AVEN: variants seen among roughly 807,000 people sequenced by gnomAD.
The protein encoded by AVEN is apoptosis and caspase activation inhibitor.
A neutral mutation model predicts 38.1 loss-of-function variants in AVEN; 41 were observed. The observed-to-expected ratio is 1.08, with a 90% confidence interval of 0.84 to 1.40. AVEN has a LOEUF of 1.40. Among genes scored for constraint, AVEN ranks in the 40% most tolerant of loss-of-function variants. The pLI, the probability that AVEN is intolerant of heterozygous loss-of-function variation, is 0.00. For synonymous variants in AVEN, 206 were observed against 171.8 expected (o/e 1.20, Z -1.56); for missense variants, 605 against 438.8 (o/e 1.38, Z -3.38).
At chr15:33,860,581 A>C in intron 11 of AVEN, 1 of 1,554,392 alleles carries the variant, frequency 6.4e-7, no homozygotes, top group Non-Finnish European at 8.8e-7. Context: ...TTGTCTTTGT[A>C]TTTAACATTC....
chr15:33,975,770 G>A (rs1895856946), intron 2 of AVEN, among the ~76,000 whole-genome samples: 1 of 151,972 alleles, frequency 6.6e-6, no homozygotes, highest in South Asian at 2.1e-4. Context: ...TCTCTACTGA[G>A]AATACAAAAA....
chr15:34,012,495 A>G (rs548944398), intron 1 of AVEN, among the ~76,000 whole-genome samples: 1 of 152,188 alleles, frequency 6.6e-6, no homozygotes, highest in African/African-American at 2.4e-5. Context: ...CTTCAGGTAC[A>G]TCTGCCTCTC....
At chr15:34,050,892 A>G (rs1488637513) in intron 5 of AVEN, among the ~76,000 whole-genome samples, 1 of 152,228 alleles carries the variant, frequency 6.6e-6, no homozygotes, top group Non-Finnish European at 1.5e-5. Flanking sequence ...ACTCCCAAAC[A>G]ATAATAGTGG....
intron 2 of AVEN, among the ~76,000 whole-genome samples, chr15:33,947,399 G>C (rs1894548390): frequency 6.6e-6 from 1 of 152,194 alleles, no homozygotes; most frequent in Non-Finnish European, 1.5e-5. Flanking sequence ...AAACCATCAT[G>C]AGAGACTGAA....
At chr15:33,921,481 A>G (rs769849273) in intron 2 of AVEN, among the ~76,000 whole-genome samples, 1 of 152,226 alleles carries the variant, frequency 6.6e-6, no homozygotes, top group African/African-American at 2.4e-5. Flanking sequence ...GAAAAGTCAA[A>G]GAAATAAGGA....
intron 5 of AVEN, among the ~76,000 whole-genome samples, chr15:34,051,983 C>A (rs764995899): frequency 6.6e-6 from 1 of 152,184 alleles, no homozygotes; most frequent in Non-Finnish European, 1.5e-5. Flanking sequence ...GGACTCCTCC[C>A]TGACTCATTC....
At chr15:34,039,223 G>C, upstream of AVEN, 1 of 426,178 alleles carries the variant, frequency 2.3e-6, no homozygotes, top group Non-Finnish European at 3.2e-6. Context: ...GCGGGGCGGG[G>C]CGGCCGGCGT....
intron 1 of AVEN, among the ~76,000 whole-genome samples, chr15:34,035,449 A>T (rs889332139): frequency 6.6e-6 from 1 of 152,048 alleles, no homozygotes; most frequent in Non-Finnish European, 1.5e-5. Flanking sequence ...TCAAATCTCA[A>T]AGTCATTCCA....
At chr15:33,864,213 C>A (rs1889584669), downstream of AVEN, 20 of 1,580,882 alleles carry the variant, frequency 1.3e-5, no homozygotes, top group Non-Finnish European at 1.6e-5. Flanking sequence ...AATCATATAC[C>A]CGTGTTAGAT....
chr15:34,062,271 A>T (rs2140845544), intron 5 of AVEN, among the ~76,000 whole-genome samples: 1 of 152,296 alleles, frequency 6.6e-6, no homozygotes, highest in Admixed American at 6.5e-5. Flanking sequence ...ACTATAAACA[A>T]TGGGCCGGGC....
intron 2 of AVEN, chr15:34,067,010 G>A (rs1317489755): frequency 3.9e-5 from 6 of 152,182 alleles, no homozygotes; most frequent in Admixed American, 3.3e-4. Context: ...GTAAACTACA[G>A]GGACCTGATG....
At chr15:33,852,905 A>C in the AVEN span, 3 of 714,708 alleles carry the variant, frequency 4.2e-6, no homozygotes, top group African/African-American at 5.4e-5. Flanking sequence ...TCTGAACTTC[A>C]ATCAGATCTT....
At chr15:33,984,690 C>T (rs929787569) in intron 2 of AVEN, among the ~76,000 whole-genome samples, 1 of 152,168 alleles carries the variant, frequency 6.6e-6, no homozygotes, top group Non-Finnish European at 1.5e-5. Flanking sequence ...GTGTGAGGCA[C>T]TGCACCCAGC....
chr15:33,882,422 C>T (rs557053978), intron 2 of AVEN, among the ~76,000 whole-genome samples: 7 of 152,234 alleles, frequency 4.6e-5, no homozygotes, highest in Non-Finnish European at 1.0e-4. Context: ...CACATGCAAT[C>T]AAAGCTGAGA....
intron 2 of AVEN, among the ~76,000 whole-genome samples, chr15:33,916,417 G>A (rs978735928): frequency 2.0e-5 from 3 of 152,056 alleles, no homozygotes; most frequent in African/African-American, 7.2e-5. Context: ...GCTAGAGTGG[G>A]GAAAATCTTC....
intron 2 of AVEN, among the ~76,000 whole-genome samples, chr15:33,992,295 G>C (rs551353230): frequency 1.1e-3 from 168 of 152,220 alleles, no homozygotes; most frequent in African/African-American, 2.8e-3. Context: ...GAGGCTGAGG[G>C]AGGAGAATGG....
chr15:33,939,242 A>G (rs1567424197), intron 2 of AVEN, among the ~76,000 whole-genome samples: 1 of 152,224 alleles, frequency 6.6e-6, no homozygotes, highest in Non-Finnish European at 1.5e-5. Flanking sequence ...CTTCACTTCT[A>G]TACAAATTGT....
intron 2 of AVEN, among the ~76,000 whole-genome samples, chr15:33,953,987 C>T (rs1597269030): frequency 6.6e-6 from 1 of 152,120 alleles, no homozygotes; most frequent in Non-Finnish European, 1.5e-5. Context: ...AAAAAGTGGG[C>T]AAAGGATATG....
At position 33,859,493 on chromosome 15, in the gene AVEN, C is replaced by G. The variant is rs144874799; in HGVS notation, n.2730-399G>C. The G allele has an allele frequency of 4.8e-4, 722 of 1,516,702 alleles. 1 individual carries two copies. Among genetic ancestry groups the G allele is most frequent in the Non-Finnish European group, 5.6e-4 (622 of 1,101,610 alleles). The allele number at this position is 1,516,702 out of a possible 1,614,324, so 94.0% of individuals were successfully genotyped here. A position where few individuals can be genotyped will look rare whatever the true frequency, so the allele number is the denominator to read the frequency against. ...TGGCTTAGGGCTGCCACAATCTGAC[C>G]GAATCATATGAATGATCTGAGCATC... On this transcript the variant is annotated intron_variant and non_coding_transcript_variant, in intron 11 of 11. Coordinates refer to the AVEN transcript ENST00000675287.
Sources: gnomAD v4.1 joint callset for allele counts (sites outside exome capture counted in the v4.1 genomes callset) on GRCh38, gnomAD v4.1.1 for gene constraint, MANE v1.5 for transcripts, NCBI Gene and HGNC (gene_info 2026-07-23, HGNC 2026-07-21) for gene names.